RGS8: variants seen among roughly 807,000 people sequenced by gnomAD.
RGS8 encodes regulator of G protein signaling 8.
RGS8 carries 8 observed loss-of-function variants against 21.7 expected under a neutral mutation model. The observed-to-expected ratio is 0.37, with a 90% CI of 0.22 to 0.66. RGS8 has a LOEUF of 0.66. Ranked by LOEUF, RGS8 falls within the 30% of genes least tolerant of loss-of-function variation. The probability of loss-of-function intolerance (pLI) is 0.59; values close to 1 mark genes in which losing one functional copy is unlikely to be tolerated. For synonymous variants in RGS8, 80 were observed against 83.6 expected (o/e 0.96, Z 0.24); for missense variants, 157 against 217.9 (o/e 0.72, Z 1.76).
chr1:182,685,675 C>T (rs1664684273), upstream of RGS8, among the ~76,000 whole-genome samples: 1 of 152,132 alleles, frequency 6.6e-6, no homozygotes, highest in Non-Finnish European at 1.5e-5. Flanking sequence ...AGTGAACTGT[C>T]CTTCCCTGCT....
At chr1:182,713,501 G>T in the RGS8 span, among the ~76,000 whole-genome samples, 1 of 152,126 alleles carries the variant, frequency 6.6e-6, no homozygotes, top group African/African-American at 2.4e-5. Flanking sequence ...AATGATTGCA[G>T]TTGTCCCATA....
intron 5 of RGS8, among the ~76,000 whole-genome samples, chr1:182,654,044 T>C (rs1357106811): frequency 2.0e-5 from 3 of 152,238 alleles, no homozygotes; most frequent in African/African-American, 7.2e-5. Context: ...CTCAGGACTT[T>C]ACAAAACATT....
the RGS8 span, among the ~76,000 whole-genome samples, chr1:182,711,551 T>C: frequency 1.3e-5 from 2 of 152,180 alleles, no homozygotes; most frequent in Admixed American, 1.3e-4. Flanking sequence ...GGAGGACTGA[T>C]AAGTGGCTGG....
chr1:182,683,196 A>G (rs559590688), intron 1 of RGS8, among the ~76,000 whole-genome samples: 2 of 152,360 alleles, frequency 1.3e-5, no homozygotes, highest in East Asian at 3.9e-4. Context: ...ACCTGCTCTA[A>G]GAATGGGTGG....
chr1:182,663,053 T>C (rs1342839626), intron 5 of RGS8, among the ~76,000 whole-genome samples: 3 of 152,226 alleles, frequency 2.0e-5, no homozygotes, highest in Non-Finnish European at 4.4e-5. Flanking sequence ...TCTAGACTCC[T>C]GAACATTTTT....
chr1:182,746,864 G>A, the RGS8 span, among the ~76,000 whole-genome samples: 1 of 151,856 alleles, frequency 6.6e-6, no homozygotes, highest in Non-Finnish European at 1.5e-5. Flanking sequence ...TTAAAGATAG[G>A]AAATGCATCA....
chr1:182,666,142 TGCAGGGA>T (rs974842174), intron 4 of RGS8, 109 bp from the exon 6 acceptor site: 3 of 837,644 alleles, frequency 3.6e-6, no homozygotes, highest in Non-Finnish European at 5.9e-6. Context: ...TGGGGAAGGG[TGCAGGGA>T]GCAAATGAAG....
At chr1:182,671,857 A>T (rs1329083114) in exon 1 of RGS8, 3 of 1,532,316 alleles carry the variant, frequency 2.0e-6, no homozygotes, top group Non-Finnish European at 2.6e-6. Context: ...ACCTCCCACC[A>T]CTTGAGCCAG....
At chr1:182,707,741 C>G in the RGS8 span, among the ~76,000 whole-genome samples, 1 of 152,176 alleles carries the variant, frequency 6.6e-6, no homozygotes, top group African/African-American at 2.4e-5. Flanking sequence ...TGGAGTCGCT[C>G]TGTCGCCCAG....
At chr1:182,659,116 C>T (rs917129354) in intron 5 of RGS8, among the ~76,000 whole-genome samples, 1 of 152,204 alleles carries the variant, frequency 6.6e-6, no homozygotes, top group Non-Finnish European at 1.5e-5. Context: ...TCAAACCCTA[C>T]ACTGGACACA....
chr1:182,747,043 C>CCTTTTTTT, the RGS8 span, among the ~76,000 whole-genome samples: 3 of 21,028 alleles, frequency 1.4e-4, no homozygotes, highest in Non-Finnish European at 1.9e-4. Context: ...CACTGCTGGT[C>CCTTTTTTT]TTTTTTTTTT....
intron 6 of RGS8, among the ~76,000 whole-genome samples, chr1:182,647,155 A>G (rs1662741371): frequency 6.6e-6 from 1 of 152,254 alleles, no homozygotes; most frequent in South Asian, 2.1e-4. Flanking sequence ...AGAAGAGACT[A>G]AAAAGCTTGT....
the RGS8 span, among the ~76,000 whole-genome samples, chr1:182,690,234 T>A: frequency 5.3e-5 from 8 of 152,222 alleles, no homozygotes; most frequent in Non-Finnish European, 1.2e-4. Flanking sequence ...TGCTCCTTCA[T>A]AATTCATGCC....
chr1:182,690,660 ATTG>A, the RGS8 span, among the ~76,000 whole-genome samples: 2 of 152,190 alleles, frequency 1.3e-5, no homozygotes, highest in African/African-American at 4.8e-5. Flanking sequence ...TCTGAAATAA[ATTG>A]TTAAGTAGTT....
In RGS8 at chr1:182,666,859, C is replaced by T. The variant is rs1663888991; in HGVS notation, c.128+13G>A. ...GTATTACCCAGGGAATGGCACGTGG[C>T]CGTACTACTCACTTGAGAGCGCGGT... On this transcript the variant is annotated intron_variant, in intron 4 of 6. Coordinates refer to ENST00000483095, the Ensembl canonical transcript of RGS8. 2 of 1,600,298 alleles carry T rather than the reference C, an allele frequency of 1.2e-6. No homozygotes were observed. Among genetic ancestry groups the T allele is most frequent in the Non-Finnish European group, 1.7e-6 (2 of 1,167,402 alleles).
At chr1:182,641,969 G>A (rs923744398), downstream of RGS8, 4 of 152,314 alleles carry the variant, frequency 2.6e-5, no homozygotes, top group African/African-American at 9.6e-5. Context: ...AATCTGTTGT[G>A]TGCTCGCCGC....
upstream of RGS8, among the ~76,000 whole-genome samples, chr1:182,688,996 A>G (rs1339345894): frequency 6.6e-6 from 1 of 152,228 alleles, no homozygotes; most frequent in Non-Finnish European, 1.5e-5. Flanking sequence ...TAATAAATCT[A>G]TGCTGTTTAA....
At chr1:182,689,544 C>T (rs1436316262), upstream of RGS8, among the ~76,000 whole-genome samples, 3 of 152,096 alleles carry the variant, frequency 2.0e-5, no homozygotes, top group Non-Finnish European at 4.4e-5. Flanking sequence ...AGAAGAGAGC[C>T]TCTGGTGATG....
intron 5 of RGS8, among the ~76,000 whole-genome samples, chr1:182,656,873 CT>C (rs1337316702): frequency 6.6e-6 from 1 of 152,220 alleles, no homozygotes; most frequent in Non-Finnish European, 1.5e-5. Context: ...GCCCTCACCC[CT>C]CCTCCTCTGC....
Sources: allele counts gnomAD v4.1 joint callset (sites outside exome capture counted in the v4.1 genomes callset), GRCh38; gene constraint gnomAD v4.1.1; transcripts MANE v1.5; gene names NCBI Gene and HGNC (gene_info 2026-07-23, HGNC 2026-07-21).